The following ZNF445 variants were observed in gnomAD, a reference collection of about 807,000 sequenced individuals.
The protein encoded by ZNF445 is zinc finger protein 445, also known as zinc finger protein 168.
ZNF445 carries 19 observed loss-of-function variants against 93.9 expected under a neutral mutation model. That is an observed-to-expected ratio of 0.20 (90% confidence interval 0.14 to 0.30). ZNF445 has a LOEUF of 0.30. Ranked by LOEUF, ZNF445 falls within the 10% of genes least tolerant of loss-of-function variation. ZNF445 has a pLI of 1.00. For synonymous variants in ZNF445, 449 were observed against 446.3 expected (o/e 1.01, Z -0.08); for missense variants, 1,058 against 1,259.4 (o/e 0.84, Z 2.42).
Position 44,436,354 on chromosome 3 carries a change from T to C in ZNF445, c.*10221A>G, listed in dbSNP as rs1428325268. 1 of 152,110 alleles carries C rather than the reference T, an allele frequency of 6.6e-6. No homozygotes were observed. The highest frequency in any genetic ancestry group is 1.5e-5 in the Non-Finnish European group (1 of 68,060). 9.4% of individuals were successfully genotyped at this position (152,110 alleles called of 1,614,324 possible). A position where few individuals can be genotyped will look rare whatever the true frequency, so the allele number is the denominator to read the frequency against. On this transcript the variant is annotated 3_prime_UTR_variant, in exon 8 of 8. Transcript: ENST00000396077. Reference sequence around the variant, plus strand: ...CCACACCAATTGTGTTTTTGGTGACTAAGTGTTACCATATGGTCCCTGCCT... The same window carrying C: ...CCACACCAATTGTGTTTTTGGTGACCAAGTGTTACCATATGGTCCCTGCCT...
At chr3:44,465,173 A>G (rs1376973584) in intron 1 of ZNF445, among the ~76,000 whole-genome samples, 2 of 152,164 alleles carry the variant, frequency 1.3e-5, no homozygotes, top group Non-Finnish European at 2.9e-5. Context: ...CTGGAGAAAT[A>G]GTTTTACATA....
rs1285340948 is a variant in ZNF445 at position 44,448,156 on chromosome 3, T to A, written c.1515A>T (p.Arg505Ser). The change falls in exon 8 of 8, where the codon AGA (arginine) becomes AGT (serine). Residue 505 changes from arginine to serine, a missense_variant. Coordinates refer to ENST00000396077, the MANE Select transcript of ZNF445 (RefSeq NM_181489.6). Reference protein sequence around the residue: ...SHSSHLAYHQRLHTQEKAFKC... With the variant: ...SHSSHLAYHQSLHTQEKAFKC... ...TAAATGCTTTCTCTTGAGTGTGAAG[T>A]CTCTGATGATACGCAAGATGGGAGC... is the stretch of plus-strand genomic sequence containing the variant. 6.2e-7 allele frequency: 1 copy of A among 1,614,020 alleles called. No individual in the cohort carries two copies. The highest frequency in any genetic ancestry group is 8.5e-7 in the Non-Finnish European group (1 of 1,180,044).
chr3:44,456,064 A>G (rs1698024887), intron 2 of ZNF445, among the ~76,000 whole-genome samples: 1 of 152,202 alleles, frequency 6.6e-6, no homozygotes, highest in Non-Finnish European at 1.5e-5. Flanking sequence ...AAATCTCAAC[A>G]AGATTTTTTG....
chr3:44,443,231 G>A lies in ZNF445; in HGVS notation c.*3344C>T, dbSNP rs940450913. 4 of 152,194 alleles carry A rather than the reference G, an allele frequency of 2.6e-5. No individual in the cohort carries two copies. The highest frequency in any genetic ancestry group is 4.4e-5 in the Non-Finnish European group (3 of 68,052). The allele number at this position is 152,194 out of a possible 1,614,324, so 9.4% of individuals were successfully genotyped here. A position where few individuals can be genotyped will look rare whatever the true frequency, so the allele number is the denominator to read the frequency against. ...GGACAGGAAAGCCAAATCCAACATT[G>A]ATTCTGCCAAAATCTTTAGTAGTTA... On this transcript the variant is annotated 3_prime_UTR_variant, in exon 8 of 8. Transcript: ENST00000396077.
chr3:44,471,666 AG>A (rs1698270436), intron 1 of ZNF445, among the ~76,000 whole-genome samples: 2 of 152,226 alleles, frequency 1.3e-5, no homozygotes, highest in Admixed American at 1.3e-4. Flanking sequence ...TAAGATGTAA[AG>A]AAGACTCACA....
intron 3 of ZNF445, among the ~76,000 whole-genome samples, chr3:44,452,813 T>C (rs1012095463): frequency 3.9e-5 from 6 of 152,220 alleles, no homozygotes; most frequent in Admixed American, 3.9e-4. Context: ...CCTGTGTCTA[T>C]TTATTACCAT....
At chr3:44,462,664 C>A in intron 1 of ZNF445, among the ~76,000 whole-genome samples, 1 of 150,570 alleles carries the variant, frequency 6.6e-6, no homozygotes, top group African/African-American at 2.4e-5. Flanking sequence ...GGGGGAGATT[C>A]TAAATCTTGA....
At position 44,441,970 on chromosome 3, in the gene ZNF445, T is replaced by A. The variant is rs1260409979; in HGVS notation, c.*4605A>T. 6.6e-6 allele frequency: 1 copy of A among 152,386 alleles called. No individual in the cohort carries two copies. The highest frequency in any genetic ancestry group is 2.4e-5 in the African/African-American group (1 of 41,460). The allele number at this position is 152,386 out of a possible 1,614,324, so 9.4% of individuals were successfully genotyped here. A position where few individuals can be genotyped will look rare whatever the true frequency, so the allele number is the denominator to read the frequency against. ...AAGGCTTACATGCTAGACACTATTCTAAGCATTTTACATGCATTACTTCAT... is the reference window on the plus strand; with the variant it reads ...AAGGCTTACATGCTAGACACTATTCAAAGCATTTTACATGCATTACTTCAT... On this transcript the variant is annotated 3_prime_UTR_variant, in exon 8 of 8. Transcript: ENST00000396077.
Position 44,451,428 on chromosome 3 carries a change from G to T in ZNF445, c.484C>A (p.Arg162=). Reference sequence around the variant, plus strand: ...GCAAGGGACCATATCTGTGCAGATCGCAGGGCTCCTGTACCCATCCAATGC... The same window carrying T: ...GCAAGGGACCATATCTGTGCAGATCTCAGGGCTCCTGTACCCATCCAATGC... ...DVHWMGTGAL[R]SAQIWSLASP... is the part of the protein sequence containing the mutation. The change falls in exon 4 of 8, where the codon CGA becomes AGA. Residue 162 remains arginine, a synonymous_variant. Coordinates refer to ENST00000396077, the MANE Select transcript of ZNF445 (RefSeq NM_181489.6). The T allele has an allele frequency of 6.2e-7, 1 of 1,613,700 alleles. No individual in the cohort carries two copies. The highest frequency in any genetic ancestry group is 8.5e-7 in the Non-Finnish European group (1 of 1,179,802).
chr3:44,476,564 A>C (rs1698359916), intron 1 of ZNF445, among the ~76,000 whole-genome samples: 2 of 152,306 alleles, frequency 1.3e-5, no homozygotes, highest in Middle Eastern at 6.8e-3. Flanking sequence ...ACTTCCTTGC[A>C]AAACAACCAA....
rs1347340148 is a variant in ZNF445, at chr3:44,444,408, CACACATAAG to C, written c.*2158_*2166del. 1 of 152,190 alleles carries C rather than the reference CACACATAAG, an allele frequency of 6.6e-6. No homozygotes were observed. Among genetic ancestry groups the C allele is most frequent in the African/African-American group, 2.4e-5 (1 of 41,438 alleles). 9.4% of individuals were successfully genotyped at this position (152,190 alleles called of 1,614,324 possible). A position where few individuals can be genotyped will look rare whatever the true frequency, so the allele number is the denominator to read the frequency against. On this transcript the variant is annotated 3_prime_UTR_variant, in exon 8 of 8. Transcript: ENST00000396077. ...GTAGCACAGCCAAGCACTCTAACTT[CACACATAAG>C]GAAATTGATGCAGAGGTTCATTGAC...
intron 1 of ZNF445, among the ~76,000 whole-genome samples, chr3:44,470,894 C>A (rs1698259727): frequency 6.6e-6 from 1 of 151,672 alleles, no homozygotes; most frequent in Non-Finnish European, 1.5e-5. Flanking sequence ...CAAGCAACTA[C>A]AAAAGGATGT....
intron 2 of ZNF445, among the ~76,000 whole-genome samples, chr3:44,456,760 T>C (rs1290234925): frequency 6.6e-6 from 1 of 152,238 alleles, no homozygotes; most frequent in African/African-American, 2.4e-5. Flanking sequence ...GACCCAACAA[T>C]GGGTTACAAA....
chr3:44,474,085 A>G (rs1698309540), intron 1 of ZNF445, among the ~76,000 whole-genome samples: 1 of 152,252 alleles, frequency 6.6e-6, no homozygotes, highest in Non-Finnish European at 1.5e-5. Context: ...TTCAAAGAGA[A>G]ACAGCATCTC....
chr3:44,469,698 G>A (rs770576764), intron 1 of ZNF445, among the ~76,000 whole-genome samples: 3 of 152,020 alleles, frequency 2.0e-5, no homozygotes, highest in African/African-American at 4.8e-5. Flanking sequence ...GAACCCAGGA[G>A]GCAGAGGTTG....
At chr3:44,458,949 ACT>A (rs1287632318) in intron 1 of ZNF445, among the ~76,000 whole-genome samples, 4 of 151,946 alleles carry the variant, frequency 2.6e-5, no homozygotes, top group African/African-American at 7.3e-5. Context: ...ATGAGATCAA[ACT>A]CTTTTTGTCC....
rs1204595927 is a variant in ZNF445, at chr3:44,437,868, AAT to A, written c.*8705_*8706del. 6.6e-6 allele frequency: 1 copy of A among 152,208 alleles called. No individual in the cohort carries two copies. Among genetic ancestry groups the A allele is most frequent in the Non-Finnish European group, 1.5e-5 (1 of 68,030 alleles). The allele number at this position is 152,208 out of a possible 1,614,324, so 9.4% of individuals were successfully genotyped here. A position where few individuals can be genotyped will look rare whatever the true frequency, so the allele number is the denominator to read the frequency against. On this transcript the variant is annotated 3_prime_UTR_variant, in exon 8 of 8. Transcript: ENST00000396077. Reference sequence around the variant, plus strand: ...TATAGTCCCTTCTGTGGTCACCAGAAATATGTTACAGGAAAGGGGTCCCAATT... The same window carrying A: ...TATAGTCCCTTCTGTGGTCACCAGAAATGTTACAGGAAAGGGGTCCCAATT...
Position 44,455,409 on chromosome 3 carries a change from G to A in ZNF445, c.141C>T (p.Asn47=). ...GGCGGAACAGCTCCTGGCCAGGGCG[G>A]TTGAGAGTCTGTGGCCTGGCAGCCT... ...PVQAARPQTL[N]RPGQELFRQL... is the part of the protein sequence containing the mutation. Residue 47 remains asparagine (N), a synonymous_variant, in exon 3 of 8, where the codon AAC becomes AAT. Coordinates refer to ENST00000396077, the MANE Select transcript of ZNF445 (RefSeq NM_181489.6). The A allele has an allele frequency of 1.2e-6, 2 of 1,614,232 alleles. No individual in the cohort carries two copies. The highest frequency in any genetic ancestry group is 1.7e-6 in the Non-Finnish European group (2 of 1,180,038).
chr3:44,446,897 T>A lies in ZNF445; in HGVS notation c.2774A>T (p.Glu925Val). The A allele has an allele frequency of 1.9e-6, 3 of 1,614,214 alleles. No homozygotes were observed. The highest frequency in any genetic ancestry group is 2.5e-6 in the Non-Finnish European group (3 of 1,180,048). Residue 925 changes from glutamate (E) to valine (V), a missense_variant, in exon 8 of 8, where the codon GAA becomes GTA. Physicochemically the swap from Glu to Val is moderately radical, Grantham distance 121. Around this residue, in one of 3 missense-constraint regions of ZNF445, gnomAD observed 387 missense variants for 475.7 expected, o/e 0.81. Transcript: ENST00000396077. This position sits in a 1 kb window ranked among gnomAD's most constrained non-coding sequence, Gnocchi z 4.2. ...GGAAGACCGTGCAGGCGGGCTACGTTCAGCCTGTGCTGCTCTGGTGTGTTT... is the reference window on the plus strand; with the variant it reads ...GGAAGACCGTGCAGGCGGGCTACGTACAGCCTGTGCTGCTCTGGTGTGTTT... The part of the protein sequence containing the change: ...QRKHTRAAQA[E>V]RSPPARSSSQ...
Sources: gnomAD v4.1 joint callset for allele counts (sites outside exome capture counted in the v4.1 genomes callset) on GRCh38, gnomAD v4.1.1 for gene constraint, gnomAD v4.1.1 regional missense constraint, Gnocchi (gnomAD v3.1) non-coding constraint, MANE v1.5 for transcripts, NCBI Gene and HGNC (gene_info 2026-07-23, HGNC 2026-07-21) for gene names.